CWC27: variants seen among roughly 807,000 people sequenced by gnomAD.
CWC27 encodes CWC27 spliceosome associated cyclophilin.
CWC27 carries 47 observed loss-of-function variants against 63.6 expected under a neutral mutation model. The observed-to-expected ratio is 0.74, with a 90% CI of 0.58 to 0.94. The LOEUF (loss-of-function observed/expected upper bound fraction) is 0.94. Among genes scored for constraint, CWC27 ranks in the 40% least tolerant of loss-of-function variants. The pLI is 0.00. For synonymous variants in CWC27, 175 were observed against 179.8 expected (o/e 0.97, Z 0.22); for missense variants, 495 against 554.3 (o/e 0.89, Z 1.07).
chr5:64,967,539 C>A (rs1180394385), intron 11 of CWC27, among the ~76,000 whole-genome samples: 1 of 151,748 alleles, frequency 6.6e-6, no homozygotes, highest in African/African-American at 2.4e-5. Flanking sequence ...TATAAACCTG[C>A]AGTAATCAAG....
intron 11 of CWC27, among the ~76,000 whole-genome samples, chr5:64,887,217 A>G (rs1259268148): frequency 1.3e-5 from 2 of 152,278 alleles, no homozygotes; most frequent in African/African-American, 4.8e-5. Context: ...GGTAAGGCCT[A>G]TATTAGACAT....
At chr5:64,996,133 C>A (rs926844595) in intron 13 of CWC27, among the ~76,000 whole-genome samples, 4 of 151,974 alleles carry the variant, frequency 2.6e-5, no homozygotes, top group African/African-American at 9.7e-5. Context: ...GAATTTTTTC[C>A]ATCTCCCTGG....
At chr5:64,935,724 C>G (rs746954841) in intron 11 of CWC27, among the ~76,000 whole-genome samples, 3 of 152,172 alleles carry the variant, frequency 2.0e-5, no homozygotes, top group Non-Finnish European at 2.9e-5. Flanking sequence ...ACTGATTCTT[C>G]CTATCCATGA....
chr5:65,009,055 G>A (rs1244805223), intron 13 of CWC27, among the ~76,000 whole-genome samples: 1 of 152,110 alleles, frequency 6.6e-6, no homozygotes, highest in Non-Finnish European at 1.5e-5. Flanking sequence ...ATACAAGAAG[G>A]ATGGCACCAG....
intron 12 of CWC27, among the ~76,000 whole-genome samples, chr5:64,976,000 G>A (rs570810612): frequency 2.9e-4 from 44 of 152,162 alleles, no homozygotes; most frequent in African/African-American, 8.4e-4. Flanking sequence ...CCTGGGAGGC[G>A]GAGGTTGCAG....
chr5:64,912,723 T>G (rs1747816604), intron 11 of CWC27, among the ~76,000 whole-genome samples: 2 of 152,144 alleles, frequency 1.3e-5, no homozygotes, highest in South Asian at 4.1e-4. Flanking sequence ...ATAAAAATGC[T>G]CTCAAAATGC....
chr5:64,950,673 T>C (rs1323398761), intron 11 of CWC27, among the ~76,000 whole-genome samples: 2 of 151,992 alleles, frequency 1.3e-5, no homozygotes, highest in Non-Finnish European at 2.9e-5. Context: ...CAATTTTAAG[T>C]AGGCAATTCA....
chr5:64,795,331 T>A (rs556572443), intron 7 of CWC27, among the ~76,000 whole-genome samples: 1 of 152,224 alleles, frequency 6.6e-6, no homozygotes, highest in Non-Finnish European at 1.5e-5. Flanking sequence ...TACAAAGGTG[T>A]TAACATATTT....
chr5:64,975,991 C>G (rs551001175), intron 12 of CWC27, among the ~76,000 whole-genome samples: 190 of 152,210 alleles, frequency 1.2e-3, no homozygotes, highest in African/African-American at 4.4e-3. Context: ...TCGCTTGAAC[C>G]TGGGAGGCGG....
In CWC27 at chr5:64,936,037, A is replaced by C. The variant is rs1017957071; in HGVS notation, c.1043-35666A>C. ...GGTTTTCTAAATATACAATCATGTCATCTACAAACAGGGACAATTTGACTT... is the reference window on the plus strand; with the variant it reads ...GGTTTTCTAAATATACAATCATGTCCTCTACAAACAGGGACAATTTGACTT... On this transcript the variant is annotated intron_variant, in intron 11 of 13. Transcript: ENST00000381070. Among the ~76,000 whole-genome samples, 186 of 152,334 alleles carry C rather than the reference A, an allele frequency of 1.2e-3. 4 individuals are homozygous for C. Among genetic ancestry groups the C allele is most frequent in the African/African-American group, 4.2e-3 (173 of 41,582 alleles).
At chr5:64,769,684 T>A (rs1355047490) in intron 1 of CWC27, among the ~76,000 whole-genome samples, 1 of 152,204 alleles carries the variant, frequency 6.6e-6, no homozygotes, top group Non-Finnish European at 1.5e-5. Context: ...CCTGTATGTC[T>A]GATAAGCGTG....
chr5:64,785,211 G>A (rs1316296855), intron 4 of CWC27, among the ~76,000 whole-genome samples: 1 of 152,106 alleles, frequency 6.6e-6, no homozygotes, highest in Non-Finnish European at 1.5e-5. Flanking sequence ...TTGTCATTCA[G>A]TAGGAGATTA....
intron 10 of CWC27, among the ~76,000 whole-genome samples, chr5:64,813,974 A>G (rs1744957239): frequency 6.6e-6 from 1 of 152,090 alleles, no homozygotes; most frequent in African/African-American, 2.4e-5. Context: ...AAGCTTGTCC[A>G]ACCCGTGGCC....
chr5:64,905,853 G>A (rs1057262793), intron 11 of CWC27, among the ~76,000 whole-genome samples: 3 of 151,906 alleles, frequency 2.0e-5, no homozygotes, highest in Non-Finnish European at 4.4e-5. Context: ...GACAGGCCCC[G>A]GTGTGTGATG....
chr5:64,888,118 C>G (rs1271841968), intron 11 of CWC27, among the ~76,000 whole-genome samples: 1 of 151,774 alleles, frequency 6.6e-6, no homozygotes, highest in Non-Finnish European at 1.5e-5. Context: ...ACTGAAAATA[C>G]AAGATCAGCC....
chr5:64,769,617 G>C (rs924693447), intron 1 of CWC27, among the ~76,000 whole-genome samples: 2 of 152,188 alleles, frequency 1.3e-5, no homozygotes, highest in African/African-American at 2.4e-5. Context: ...GGGTAAGGTA[G>C]TTGTTTTCCC....
At chr5:64,916,680 C>T (rs945739930) in intron 11 of CWC27, among the ~76,000 whole-genome samples, 1 of 152,148 alleles carries the variant, frequency 6.6e-6, no homozygotes, top group African/African-American at 2.4e-5. Flanking sequence ...ATGGGTCACT[C>T]TGTCATCAGG....
At chr5:64,998,149 G>A (rs1749670945) in intron 13 of CWC27, among the ~76,000 whole-genome samples, 2 of 152,046 alleles carry the variant, frequency 1.3e-5, no homozygotes, top group South Asian at 4.2e-4. Flanking sequence ...CATATGGTTT[G>A]CCCTGAAATA....
intron 1 of CWC27, among the ~76,000 whole-genome samples, chr5:64,772,008 A>G (rs1743274419): frequency 6.6e-6 from 1 of 152,224 alleles, no homozygotes; most frequent in African/African-American, 2.4e-5. Flanking sequence ...TCTATGTATT[A>G]CAGCTCATTT....
Sources: allele counts gnomAD v4.1 joint callset (sites outside exome capture counted in the v4.1 genomes callset), GRCh38; gene constraint gnomAD v4.1.1; transcripts MANE v1.5; gene names NCBI Gene and HGNC (gene_info 2026-07-23, HGNC 2026-07-21).